The following WDR49 variants were observed in gnomAD, a reference collection of about 807,000 sequenced individuals.
WDR49 encodes the protein cilia- and flagella-associated protein 337.
WDR49 carries 107 observed loss-of-function variants against 119.5 expected under a neutral mutation model. The observed-to-expected ratio is 0.90, with a 90% CI of 0.77 to 1.05. The LOEUF is 1.05. Ranked by LOEUF, WDR49 falls within the 50% of genes least tolerant of loss-of-function variation. WDR49 has a pLI of 0.00. For missense variants in WDR49, 1,240 were observed against 1,220.5 expected, an observed-to-expected ratio of 1.02 and a Z score of -0.24; for synonymous variants, 425 against 418.8, an observed-to-expected ratio of 1.01 and a Z score of -0.18.
intron 7 of WDR49, among the ~76,000 whole-genome samples, chr3:167,579,703 C>G (rs1577253030): frequency 6.6e-6 from 1 of 152,076 alleles, no homozygotes; most frequent in African/African-American, 2.4e-5. Context: ...TGGCAGCTCT[C>G]CAGGAAATGT....
intron 2 of WDR49, among the ~76,000 whole-genome samples, chr3:167,643,199 C>T (rs983527782): frequency 6.6e-5 from 10 of 152,014 alleles, no homozygotes; most frequent in Admixed American, 4.6e-4. Context: ...CAATGGGTAA[C>T]TCTGGTGGAT....
At chr3:167,643,536 T>C (rs1219104738) in intron 2 of WDR49, among the ~76,000 whole-genome samples, 2 of 152,122 alleles carry the variant, frequency 1.3e-5, no homozygotes, top group African/African-American at 2.4e-5. Context: ...TGTGATTTTA[T>C]ATAAAAGACA....
chr3:167,624,965 T>C (rs1227560103), intron 3 of WDR49, among the ~76,000 whole-genome samples: 1 of 152,046 alleles, frequency 6.6e-6, no homozygotes, highest in African/African-American at 2.4e-5. Context: ...CCTGATTACA[T>C]CCTGGGTGAC....
At chr3:167,585,449 TAAAC>T in intron 7 of WDR49, among the ~76,000 whole-genome samples, 1 of 150,770 alleles carries the variant, frequency 6.6e-6, no homozygotes, top group Non-Finnish European at 1.5e-5. Flanking sequence ...CTAACAAAGA[TAAAC>T]AACTTAGAAA....
In WDR49 at chr3:167,560,128, C is replaced by T. The variant is rs780595172; in HGVS notation, c.1610G>A (p.Ser537Asn). 4.3e-6 allele frequency: 7 copies of T among 1,614,050 alleles called. No individual in the cohort carries two copies. The East Asian group carries it at 1.3e-4, about 31-fold the overall frequency. Residue 537 changes from serine to asparagine, a missense_variant, in exon 9 of 19, where the codon AGC (serine) becomes AAC (asparagine). Coordinates refer to ENST00000682715, the MANE Select transcript of WDR49 (RefSeq NM_001366157.1). ...CTCATTTGCATCAAGGGCCATAGTG[C>T]TGATTTCTGCGTTGCCGTGGCAACC... Reference protein sequence around the residue: ...FTGCHGNAEISTMALDANETR... With the variant: ...FTGCHGNAEINTMALDANETR...
At chr3:167,621,438 G>A in intron 4 of WDR49, 29 bp downstream of exon 4, 2 of 1,476,484 alleles carry the variant, frequency 1.4e-6, no homozygotes, top group Non-Finnish European at 1.8e-6. Context: ...TAAATCCATA[G>A]TATTCAATCT....
At position 167,536,949 on chromosome 3, in the gene WDR49, A is replaced by G; in HGVS notation, c.1875T>C (p.Pro625=). Residue 625 remains proline (P), a synonymous_variant, in exon 11 of 19, where the codon CCT becomes CCC. Coordinates refer to ENST00000682715, the MANE Select transcript of WDR49 (RefSeq NM_001366157.1). ...GCTGTATACCTCCTTTCCATTCTTC[A>G]GGCTGGATGAAAAATTGATTGAAGT... is the stretch of plus-strand genomic sequence containing the variant. ...PQNFNQFFIQ[P]EEWKGGIQHH... 1 of 1,590,854 alleles carries G rather than the reference A, an allele frequency of 6.3e-7. No homozygotes were observed. The highest frequency in any genetic ancestry group is 8.6e-7 in the Non-Finnish European group (1 of 1,169,160).
At chr3:167,657,337 G>A (rs1577305507), upstream of WDR49, among the ~76,000 whole-genome samples, 2 of 152,018 alleles carry the variant, frequency 1.3e-5, no homozygotes, top group East Asian at 3.9e-4. Flanking sequence ...AAATAGAAAT[G>A]GTCCAAAAAA....
intron 10 of WDR49, among the ~76,000 whole-genome samples, chr3:167,540,074 G>A (rs1577226826): frequency 6.6e-6 from 1 of 152,150 alleles, no homozygotes; most frequent in Non-Finnish European, 1.5e-5. Flanking sequence ...CCTCCTGGCT[G>A]GAGGCCAACA....
intron 18 of WDR49, among the ~76,000 whole-genome samples, chr3:167,488,943 G>A (rs1470981890): frequency 2.0e-5 from 3 of 151,990 alleles, no homozygotes; most frequent in Admixed American, 1.3e-4. Context: ...GGGACATTCT[G>A]CCCCAACATC....
At chr3:167,609,491 G>A (rs1716237973) in intron 5 of WDR49, among the ~76,000 whole-genome samples, 1 of 152,140 alleles carries the variant, frequency 6.6e-6, no homozygotes, top group African/African-American at 2.4e-5. Context: ...CGCCCACAGA[G>A]GGAACCTTAG....
At chr3:167,632,133 C>CATCA (rs1407369681) in intron 2 of WDR49, among the ~76,000 whole-genome samples, 4 of 151,914 alleles carry the variant, frequency 2.6e-5, no homozygotes, top group Non-Finnish European at 4.4e-5. Flanking sequence ...TACATAATGG[C>CATCA]ATCAATCAAT....
At chr3:167,532,792 A>G (rs1233400069) in intron 12 of WDR49, 87 bp downstream of exon 12, 19 of 829,194 alleles carry the variant, frequency 2.3e-5, no homozygotes, top group Non-Finnish European at 3.6e-5. Flanking sequence ...ATAATTTAGG[A>G]TCAAGTCGCA....
chr3:167,623,680 T>C (rs956533241), intron 3 of WDR49, among the ~76,000 whole-genome samples: 1 of 151,958 alleles, frequency 6.6e-6, no homozygotes, highest in African/African-American at 2.4e-5. Context: ...CTATTTAATA[T>C]GGTATGGAAT....
At chr3:167,606,635 G>A (rs1005361066) in intron 5 of WDR49, among the ~76,000 whole-genome samples, 3 of 152,172 alleles carry the variant, frequency 2.0e-5, no homozygotes, top group Non-Finnish European at 4.4e-5. Flanking sequence ...TCAGAAAGGG[G>A]ACCAGAGTAG....
In WDR49 at chr3:167,642,480, C is replaced by T. The variant is rs527864953; in HGVS notation, c.165+10781G>A. ...TACAAATGATACAAATATGGAGTGA[C>T]GGAGGGGAAGAACCCTGTGGTATTT... On this transcript the variant is annotated intron_variant, in intron 2 of 18. Coordinates refer to ENST00000682715, the MANE Select transcript of WDR49 (RefSeq NM_001366157.1). Among the ~76,000 whole-genome samples the T allele has an allele frequency of 1.9e-4, 29 of 151,814 alleles. No individual in the cohort carries two copies. The East Asian group carries it at 4.3e-3, about 22-fold the overall frequency.
chr3:167,528,114 G>A, intron 14 of WDR49, 97 bp from the exon 15 acceptor site: 4 of 1,016,312 alleles, frequency 3.9e-6, no homozygotes, highest in Non-Finnish European at 5.7e-6. Flanking sequence ...TCAAACTTGG[G>A]AACAATAACC....
chr3:167,488,523 T>C (rs1560246036), intron 18 of WDR49, among the ~76,000 whole-genome samples: 1 of 152,024 alleles, frequency 6.6e-6, no homozygotes, highest in Non-Finnish European at 1.5e-5. Flanking sequence ...AGCTGAAATT[T>C]TTAAAAAGTA....
intron 18 of WDR49, among the ~76,000 whole-genome samples, chr3:167,492,783 T>C (rs1182414216): frequency 1.3e-5 from 2 of 152,146 alleles, no homozygotes; most frequent in African/African-American, 4.8e-5. Context: ...ACATTTATCG[T>C]TTCCATGGCT....
Sources: allele counts gnomAD v4.1 joint callset (sites outside exome capture counted in the v4.1 genomes callset), GRCh38; gene constraint gnomAD v4.1.1; transcripts MANE v1.5; gene names NCBI Gene and HGNC (gene_info 2026-07-23, HGNC 2026-07-21).